Variants in MED12L observed in about 807,000 individuals in gnomAD.
MED12L encodes mediator complex subunit 12L, also known as mediator of RNA polymerase II transcription subunit 12-like protein.
MED12L carries 60 observed loss-of-function variants against 281.3 expected under a neutral mutation model. The observed-to-expected ratio is 0.21, with a 90% CI of 0.17 to 0.26. The LOEUF is 0.26. Ranked by LOEUF, MED12L falls within the 10% of genes least tolerant of loss-of-function variation. The probability of loss-of-function intolerance (pLI) is 1.00; values close to 1 mark genes in which losing one functional copy is unlikely to be tolerated. For missense variants in MED12L, 2,146 were observed against 2,680.9 expected, an observed-to-expected ratio of 0.80 and a Z score of 4.41; for synonymous variants, 974 against 987.2, an observed-to-expected ratio of 0.99 and a Z score of 0.25.
chr3:151,211,321 C>G (rs904801538), intron 16 of MED12L, among the ~76,000 whole-genome samples: 7 of 151,064 alleles, frequency 4.6e-5, no homozygotes, highest in Admixed American at 1.3e-4. Flanking sequence ...AGTATTTACT[C>G]ATTTGTCCTG....
At chr3:151,186,480 CCCAG>C (rs1370443871) in intron 12 of MED12L, among the ~76,000 whole-genome samples, 1 of 152,140 alleles carries the variant, frequency 6.6e-6, no homozygotes, top group African/African-American at 2.4e-5. Flanking sequence ...TGCCCTTCTC[CCCAG>C]GGTCACAGCT....
rs1376441713 is a variant in MED12L at position 151,085,738 on chromosome 3, C to G, written c.-328C>G. ...CTCCCGGGCCGTGGGGGCGAGAACGCCGGCGGCGAGCCGGCGTCGCTCGCC... is the reference window on the plus strand; with the variant it reads ...CTCCCGGGCCGTGGGGGCGAGAACGGCGGCGGCGAGCCGGCGTCGCTCGCC... On this transcript the variant is annotated 5_prime_UTR_variant, in exon 1 of 45. Coordinates refer to ENST00000687756, the MANE Select transcript of MED12L (RefSeq NM_001393769.1). 1 of 152,052 alleles carries G rather than the reference C, an allele frequency of 6.6e-6. No homozygotes were observed. Among genetic ancestry groups the G allele is most frequent in the Non-Finnish European group, 1.5e-5 (1 of 67,994 alleles). 9.4% of individuals were successfully genotyped at this position (152,052 alleles called of 1,614,324 possible). A position where few individuals can be genotyped will look rare whatever the true frequency, so the allele number is the denominator to read the frequency against.
chr3:151,198,861 A>C, intron 16 of MED12L: 1 of 1,614,074 alleles, frequency 6.2e-7, no homozygotes, highest in Non-Finnish European at 8.5e-7. Context: ...AGCAAATGCC[A>C]ATTTCTTCCA....
At chr3:151,272,040 G>C (rs189698307) in intron 16 of MED12L, among the ~76,000 whole-genome samples, 1 of 152,314 alleles carries the variant, frequency 6.6e-6, no homozygotes, top group East Asian at 1.9e-4. Context: ...CACAAAACTT[G>C]CTCTTGAAGC....
chr3:151,432,317 G>C (rs1253847940), intron 44 of MED12L, among the ~76,000 whole-genome samples: 3 of 152,182 alleles, frequency 2.0e-5, no homozygotes, highest in Non-Finnish European at 4.4e-5. Context: ...CAGTTCTGTT[G>C]TACATACCTT....
At chr3:151,178,180 A>AAAAAAAAAAAAAAAAAAG (rs1560124043) in intron 11 of MED12L, among the ~76,000 whole-genome samples, 1 of 151,266 alleles carries the variant, frequency 6.6e-6, no homozygotes, top group African/African-American at 2.4e-5. Context: ...AAAAAAAAAA[A>AAAAAAAAAAAAAAAAAAG]AAAAGAAAGT....
At chr3:151,331,806 T>C (rs1750384073) in intron 16 of MED12L, among the ~76,000 whole-genome samples, 1 of 152,206 alleles carries the variant, frequency 6.6e-6, no homozygotes, top group African/African-American at 2.4e-5. Flanking sequence ...TCCCCAGAGA[T>C]TGGTCCCATT....
At chr3:151,278,178 A>G (rs1019407448) in intron 16 of MED12L, 4 of 152,228 alleles carry the variant, frequency 2.6e-5, no homozygotes, top group East Asian at 1.9e-4. Flanking sequence ...GTGAGTGGCA[A>G]TGGTTCAGTG....
chr3:151,287,904 A>G (rs1408425352), intron 16 of MED12L, among the ~76,000 whole-genome samples: 2 of 150,922 alleles, frequency 1.3e-5, no homozygotes, highest in African/African-American at 4.8e-5. Flanking sequence ...AACTTTATAG[A>G]AATCATTGCT....
At chr3:151,317,208 C>A (rs1369915592) in intron 16 of MED12L, among the ~76,000 whole-genome samples, 2 of 151,822 alleles carry the variant, frequency 1.3e-5, no homozygotes, top group Non-Finnish European at 2.9e-5. Flanking sequence ...TAATTGATAA[C>A]TTTGGAAACT....
At chr3:151,424,629 C>A (rs375008259) in intron 43 of MED12L, among the ~76,000 whole-genome samples, 65 of 142,020 alleles carry the variant, frequency 4.6e-4, no homozygotes, top group African/African-American at 1.6e-3. Flanking sequence ...TCAAAAAAAA[C>A]AAAACAAAAC....
Position 151,163,884 on chromosome 3 carries a change from C to G in MED12L, c.1108-9C>G. The G allele has an allele frequency of 6.2e-7, 1 of 1,604,436 alleles. No homozygotes were observed. The highest frequency in any genetic ancestry group is 1.3e-5 in the African/African-American group (1 of 74,732). On this transcript the variant is annotated splice_polypyrimidine_tract_variant and intron_variant, in intron 8 of 44. Coordinates refer to ENST00000687756, the MANE Select transcript of MED12L (RefSeq NM_001393769.1). ...TCTGAACATCCAACTTTATCTGTTTCATTTCCAGACTGTCACTCTCTGTTG... is the reference window on the plus strand; with the variant it reads ...TCTGAACATCCAACTTTATCTGTTTGATTTCCAGACTGTCACTCTCTGTTG...
In MED12L at chr3:151,242,593, CAT is replaced by C. The variant is rs1577087468; in HGVS notation, c.2250+48928_2250+48929del. ...AAGGAAAACTAACAAACAGAAAACA[CAT>C]CCACACCAAAAACCCATCTGTACAT... On this transcript the variant is annotated intron_variant, in intron 16 of 44. Coordinates refer to ENST00000687756, the MANE Select transcript of MED12L (RefSeq NM_001393769.1). Among the ~76,000 whole-genome samples the C allele has an allele frequency of 4.6e-5, 7 of 152,322 alleles. No individual in the cohort carries two copies. In the South Asian group the frequency reaches 8.3e-4, roughly 18 times the overall value.
At chr3:151,263,921 T>C (rs188613221) in intron 16 of MED12L, among the ~76,000 whole-genome samples, 4 of 152,318 alleles carry the variant, frequency 2.6e-5, no homozygotes, top group Admixed American at 2.0e-4. Flanking sequence ...AGCCTTCAGT[T>C]AATGTTAGGA....
At chr3:151,138,572 C>T (rs1375975568) in intron 5 of MED12L, among the ~76,000 whole-genome samples, 1 of 152,178 alleles carries the variant, frequency 6.6e-6, no homozygotes, top group African/African-American at 2.4e-5. Context: ...CCCTAGGCTT[C>T]TCTTGGCTGT....
chr3:151,111,396 G>C (rs1349658692), intron 2 of MED12L, among the ~76,000 whole-genome samples: 1 of 152,264 alleles, frequency 6.6e-6, no homozygotes, highest in East Asian at 1.9e-4. Flanking sequence ...AGATAACATG[G>C]TAGAAACTAT....
chr3:151,097,795 T>G (rs1164491764), intron 2 of MED12L, among the ~76,000 whole-genome samples: 1 of 152,178 alleles, frequency 6.6e-6, no homozygotes, highest in African/African-American at 2.4e-5. Flanking sequence ...CACCAAAGAC[T>G]TAACTGGCCC....
At chr3:151,281,200 G>C in intron 16 of MED12L, among the ~76,000 whole-genome samples, 1 of 126,082 alleles carries the variant, frequency 7.9e-6, no homozygotes, top group Admixed American at 1.0e-4. Context: ...CAGCCTGACC[G>C]ACATGGTGAA....
intron 16 of MED12L, chr3:151,199,419 A>G: frequency 1.3e-6 from 2 of 1,546,932 alleles, no homozygotes; most frequent in East Asian, 4.5e-5. Context: ...TGCTTATTGA[A>G]AAGAAAAAAT....
Sources: allele counts gnomAD v4.1 joint callset (sites outside exome capture counted in the v4.1 genomes callset), GRCh38; gene constraint gnomAD v4.1.1; transcripts MANE v1.5; gene names NCBI Gene and HGNC (gene_info 2026-07-23, HGNC 2026-07-21).